The following LHFPL6 variants were observed in gnomAD, a reference collection of about 807,000 sequenced individuals.
The protein encoded by LHFPL6 is LHFPL tetraspan subfamily member 6, also known as LHFPL tetraspan subfamily member 6 protein.
Under a neutral mutation model 20.6 loss-of-function variants are expected in LHFPL6, and 9 were observed. The observed-to-expected ratio is 0.44, with a 90% CI of 0.26 to 0.76. The LOEUF is 0.76. Ranked by LOEUF, LHFPL6 falls within the 30% of genes least tolerant of loss-of-function variation. The pLI is 0.20. For missense variants in LHFPL6, 218 were observed against 253.5 expected (o/e 0.86, Z 0.95); for synonymous variants, 105 against 98.7 (o/e 1.06, Z -0.38).
At chr13:39,458,124 T>C (rs1418723261) in intron 2 of LHFPL6, among the ~76,000 whole-genome samples, 2 of 152,106 alleles carry the variant, frequency 1.3e-5, no homozygotes, top group Non-Finnish European at 1.5e-5. Flanking sequence ...CTGTAACAGA[T>C]TTCCAATGAC....
At chr13:39,509,343 T>A (rs7990384) in intron 2 of LHFPL6, among the ~76,000 whole-genome samples, 3,569 of 152,250 alleles carry the variant, frequency 0.023, 139 homozygotes, top group African/African-American at 0.082. Context: ...TAATGTCATA[T>A]CTAAGAAATC....
At chr13:39,373,026 A>G (rs544403825) in intron 3 of LHFPL6, among the ~76,000 whole-genome samples, 29 of 152,264 alleles carry the variant, frequency 1.9e-4, no homozygotes, top group African/African-American at 6.7e-4. Flanking sequence ...TTACCTACCT[A>G]AAGCCTACAA....
intron 2 of LHFPL6, among the ~76,000 whole-genome samples, chr13:39,430,343 C>T (rs1013592357): frequency 2.0e-5 from 3 of 152,174 alleles, no homozygotes; most frequent in Non-Finnish European, 4.4e-5. Flanking sequence ...GACAATTCTG[C>T]GAGGTTTTTC....
At chr13:39,369,597 T>TCCTTCCTTCCTTCCTTC (rs763910245) in intron 3 of LHFPL6, among the ~76,000 whole-genome samples, 2 of 87,368 alleles carry the variant, frequency 2.3e-5, no homozygotes, top group African/African-American at 8.7e-5. Context: ...CTTCCTTCCT[T>TCCTTCCTTCCTTCCTTC]CCTCCCTCTC....
chr13:39,378,194 C>T (rs1870343131), intron 3 of LHFPL6, among the ~76,000 whole-genome samples: 2 of 152,118 alleles, frequency 1.3e-5, no homozygotes, highest in Non-Finnish European at 2.9e-5. Context: ...CTCTTCGGGG[C>T]AGGGGCCATT....
intron 2 of LHFPL6, among the ~76,000 whole-genome samples, chr13:39,514,980 T>C (rs1184227608): frequency 2.6e-5 from 4 of 152,156 alleles, no homozygotes; most frequent in Non-Finnish European, 4.4e-5. Flanking sequence ...CAGGAATAGA[T>C]CAATTCAATA....
chr13:39,392,133 T>A (rs748620989), intron 2 of LHFPL6, among the ~76,000 whole-genome samples: 1 of 152,226 alleles, frequency 6.6e-6, no homozygotes, highest in Admixed American at 6.5e-5. Flanking sequence ...TCTTTAGTGT[T>A]TTTTAATATT....
At chr13:39,491,195 C>T (rs934847731) in intron 2 of LHFPL6, among the ~76,000 whole-genome samples, 6 of 152,062 alleles carry the variant, frequency 3.9e-5, no homozygotes, top group Admixed American at 2.0e-4. Flanking sequence ...AAATTTGGAG[C>T]CATTTACAAG....
chr13:39,546,097 A>G (rs936332498), intron 2 of LHFPL6, among the ~76,000 whole-genome samples: 1 of 152,122 alleles, frequency 6.6e-6, no homozygotes, highest in Non-Finnish European at 1.5e-5. Context: ...ATAAAATTGC[A>G]TATTGTAAAA....
chr13:39,400,297 T>G (rs1002399534), intron 2 of LHFPL6, among the ~76,000 whole-genome samples: 1 of 152,174 alleles, frequency 6.6e-6, no homozygotes, highest in Non-Finnish European at 1.5e-5. Flanking sequence ...AATCAAAATC[T>G]AAGTCTCTAG....
intron 2 of LHFPL6, among the ~76,000 whole-genome samples, chr13:39,455,104 G>A (rs58178360): frequency 1.0e-3 from 155 of 152,192 alleles, no homozygotes; most frequent in Middle Eastern, 6.8e-3. Flanking sequence ...TGGGTCATGG[G>A]CTTCCCAATC....
chr13:39,421,436 T>G (rs1871482197), intron 2 of LHFPL6, among the ~76,000 whole-genome samples: 1 of 152,170 alleles, frequency 6.6e-6, no homozygotes, highest in Non-Finnish European at 1.5e-5. Flanking sequence ...TTATGACTGA[T>G]CCTGCATATT....
At chr13:39,594,612 A>C (rs1271941917) in intron 2 of LHFPL6, among the ~76,000 whole-genome samples, 1 of 152,196 alleles carries the variant, frequency 6.6e-6, no homozygotes, top group Non-Finnish European at 1.5e-5. Flanking sequence ...CCATCCCATT[A>C]CTGGGTATAT....
intron 2 of LHFPL6, among the ~76,000 whole-genome samples, chr13:39,394,246 T>C (rs1052752253): frequency 8.5e-5 from 13 of 152,156 alleles, no homozygotes. Context: ...AGCCCCAAAT[T>C]TCCTCTTGCG....
chr13:39,509,845 A>T (rs7990948), intron 2 of LHFPL6, among the ~76,000 whole-genome samples: 39,172 of 152,016 alleles, frequency 0.26, 5,841 homozygotes, highest in African/African-American at 0.42. Context: ...CTGTAGTCCC[A>T]GCTACTTGGG....
At chr13:39,554,406 C>G (rs908189490) in intron 2 of LHFPL6, among the ~76,000 whole-genome samples, 1 of 152,174 alleles carries the variant, frequency 6.6e-6, no homozygotes, top group Non-Finnish European at 1.5e-5. Flanking sequence ...TATTAAAATG[C>G]ATGTCAGGAC....
chr13:39,567,929 T>C (rs960665503), intron 2 of LHFPL6, among the ~76,000 whole-genome samples: 3 of 152,218 alleles, frequency 2.0e-5, no homozygotes, highest in African/African-American at 2.4e-5. Flanking sequence ...CAAAAGTATA[T>C]ACCATCTGGC....
chr13:39,471,225 T>C (rs1872935487), intron 2 of LHFPL6, among the ~76,000 whole-genome samples: 1 of 152,166 alleles, frequency 6.6e-6, no homozygotes, highest in Admixed American at 6.5e-5. Flanking sequence ...TGCAGGAATG[T>C]TGGCCAGAGG....
At chr13:39,453,583 G>C (rs1450762600) in intron 2 of LHFPL6, among the ~76,000 whole-genome samples, 1 of 152,186 alleles carries the variant, frequency 6.6e-6, no homozygotes, top group Admixed American at 6.5e-5. Flanking sequence ...GCAAGTATTA[G>C]TACCCCAGCT....
Sources: gnomAD v4.1 joint callset for allele counts (sites outside exome capture counted in the v4.1 genomes callset) on GRCh38, gnomAD v4.1.1 for gene constraint, MANE v1.5 for transcripts, NCBI Gene and HGNC (gene_info 2026-07-23, HGNC 2026-07-21) for gene names.